Variants in NBAS observed in about 807,000 individuals in gnomAD.
NBAS encodes NAG/BC035112 fusion.
Under a neutral mutation model 302.5 loss-of-function variants are expected in NBAS, and 219 were observed. The ratio of observed to expected loss-of-function variants is 0.72; its 90% CI spans 0.65 to 0.81. NBAS has a LOEUF of 0.81. NBAS is among the 30% of genes least tolerant of loss of function. NBAS has a pLI of 0.00. For missense variants in NBAS, 2,932 were observed against 2,841.6 expected, an observed-to-expected ratio of 1.03 and a Z score of -0.72; for synonymous variants, 1,118 against 1,021.6, an observed-to-expected ratio of 1.09 and a Z score of -1.80.
rs144512474 is a variant in NBAS at position 15,487,722 on chromosome 2, A to T, written c.1083+1172T>A. Among the ~76,000 whole-genome samples the T allele has an allele frequency of 5.1e-3, 776 of 152,302 alleles. 3 individuals are homozygous for T. Among genetic ancestry groups the T allele is most frequent in the African/African-American group, 0.017 (690 of 41,562 alleles). On this transcript the variant is annotated intron_variant, in intron 12 of 51. Transcript: ENST00000281513. ...TTTGAGAGTTCATCACTTCACCTCTAGAAAGAAGAAATGAGTGAAGTTAGC... is the reference window on the plus strand; with the variant it reads ...TTTGAGAGTTCATCACTTCACCTCTTGAAAGAAGAAATGAGTGAAGTTAGC...
chr2:14,788,617 G>T, the NBAS span, among the ~76,000 whole-genome samples: 2 of 152,182 alleles, frequency 1.3e-5, no homozygotes, highest in African/African-American at 4.8e-5. Flanking sequence ...CCACAGAACA[G>T]CGGTGGCCAC....
At chr2:15,537,784 C>G (rs1247950705) in intron 7 of NBAS, among the ~76,000 whole-genome samples, 1 of 152,122 alleles carries the variant, frequency 6.6e-6, no homozygotes, top group Non-Finnish European at 1.5e-5. Context: ...TGAGAAGCTC[C>G]CTGTACATGT....
intron 18 of NBAS, 109 bp from the exon 19 acceptor site, chr2:15,467,516 T>G (rs1023572836): frequency 6.2e-6 from 8 of 1,288,586 alleles, no homozygotes; most frequent in Non-Finnish European, 9.0e-6. Context: ...CATGAAACAG[T>G]TCAGAAAAGC....
the NBAS span, among the ~76,000 whole-genome samples, chr2:14,843,516 C>G: frequency 6.6e-6 from 1 of 151,602 alleles, no homozygotes; most frequent in Non-Finnish European, 1.5e-5. Flanking sequence ...ACTGATCATC[C>G]TCCCCACAAG....
the NBAS span, among the ~76,000 whole-genome samples, chr2:14,933,943 A>G: frequency 6.6e-6 from 1 of 152,190 alleles, no homozygotes; most frequent in Non-Finnish European, 1.5e-5. Context: ...GGGGAAGTCA[A>G]CTTGTAGATT....
chr2:15,553,371 G>A, intron 5 of NBAS, 55 bp downstream of exon 5: 1 of 1,449,160 alleles, frequency 6.9e-7, no homozygotes, highest in Non-Finnish European at 9.7e-7. Flanking sequence ...TCCATTTATA[G>A]AGTAACAAAT....
At position 15,474,303 on chromosome 2, in the gene NBAS, T is replaced by A. The variant is rs768846401; in HGVS notation, c.1363A>T (p.Lys455Ter). 1 of 1,613,468 alleles carries A rather than the reference T, an allele frequency of 6.2e-7. No individual in the cohort carries two copies. The highest frequency in any genetic ancestry group is 8.5e-7 in the Non-Finnish European group (1 of 1,179,652). ...GCTCTAGTCTCCAAACGAGATCGTT[T>A]GGGGGCAAGTTTAATCTCACACTAA... ...SLECEIKLAPKRSRLETRAGE... is the reference protein window; with the variant it reads ...SLECEIKLAP Residue 455 changes from lysine to a stop codon, truncating the protein, a stop_gained, in exon 15 of 52, where the codon AAA (lysine) becomes TAA (stop). Transcript: ENST00000281513. LOFTEE classifies it high-confidence loss of function.
At chr2:15,250,534 G>A (rs1668315213) in intron 44 of NBAS, among the ~76,000 whole-genome samples, 1 of 152,192 alleles carries the variant, frequency 6.6e-6, no homozygotes, top group Non-Finnish European at 1.5e-5. Context: ...GCAGTCTACA[G>A]AATGGGAGAA....
chr2:15,504,290 T>C, intron 10 of NBAS, 77 bp from the exon 11 acceptor site: 1 of 1,143,616 alleles, frequency 8.7e-7, no homozygotes, highest in South Asian at 1.2e-5. Context: ...TATAATGAAA[T>C]GAAAACTATA....
the NBAS span, among the ~76,000 whole-genome samples, chr2:14,809,826 A>C: frequency 2.0e-5 from 3 of 152,314 alleles, no homozygotes; most frequent in South Asian, 6.2e-4. Flanking sequence ...AGGAGGGAGG[A>C]TATATCCTGC....
chr2:15,430,038 C>T (rs185984901), intron 21 of NBAS, among the ~76,000 whole-genome samples: 2 of 152,150 alleles, frequency 1.3e-5, no homozygotes, highest in African/African-American at 4.8e-5. Context: ...GCTATTATGA[C>T]CTTTCTAATT....
intron 51 of NBAS, 39 bp downstream of exon 51, chr2:15,178,949 A>G (rs1364425660): frequency 5.9e-6 from 9 of 1,530,906 alleles, no homozygotes; most frequent in Non-Finnish European, 6.2e-6. Flanking sequence ...GAAACATTAA[A>G]AAAAAAAAAA....
the NBAS span, among the ~76,000 whole-genome samples, chr2:14,850,133 C>A: frequency 1.2e-4 from 16 of 134,938 alleles, 2 homozygotes; most frequent in South Asian, 3.0e-3. Context: ...CACAGACTGG[C>A]AAATTGGATA....
intron 21 of NBAS, among the ~76,000 whole-genome samples, chr2:15,446,019 A>G (rs549027714): frequency 1.3e-5 from 2 of 152,236 alleles, no homozygotes; most frequent in South Asian, 4.2e-4. Flanking sequence ...AGTATAAAAA[A>G]GAAACTTTTT....
At chr2:14,798,201 A>C in the NBAS span, among the ~76,000 whole-genome samples, 1 of 152,192 alleles carries the variant, frequency 6.6e-6, no homozygotes, top group Non-Finnish European at 1.5e-5. Flanking sequence ...GTCCTTGACT[A>C]GTAGGTTTGA....
intron 9 of NBAS, among the ~76,000 whole-genome samples, chr2:15,528,878 AATAT>A (rs57028015): frequency 4.1e-5 from 5 of 121,544 alleles, no homozygotes; most frequent in East Asian, 2.2e-4. Flanking sequence ...AAAAAAAAAA[AATAT>A]ATATATATAT....
At chr2:15,376,601 G>C (rs193010826) in intron 30 of NBAS, among the ~76,000 whole-genome samples, 1 of 152,096 alleles carries the variant, frequency 6.6e-6, no homozygotes, top group South Asian at 2.1e-4. Flanking sequence ...CACCTGTGTG[G>C]GGGGAATGGG....
the NBAS span, among the ~76,000 whole-genome samples, chr2:14,944,331 C>A: frequency 6.9e-6 from 1 of 144,742 alleles, no homozygotes; most frequent in Non-Finnish European, 1.5e-5. Context: ...AACAAAAAAA[C>A]AAAAAACTGC....
At chr2:15,268,457 T>A (rs1029212141) in intron 44 of NBAS, among the ~76,000 whole-genome samples, 29 of 152,174 alleles carry the variant, frequency 1.9e-4, no homozygotes, top group Non-Finnish European at 3.8e-4. Context: ...CTGTCATTTT[T>A]ATATTGATCA....
Sources: gnomAD v4.1 joint callset for allele counts (sites outside exome capture counted in the v4.1 genomes callset) on GRCh38, gnomAD v4.1.1 for gene constraint, MANE v1.5 for transcripts, NCBI Gene and HGNC (gene_info 2026-07-23, HGNC 2026-07-21) for gene names.